Variants in PDE4B observed in about 807,000 individuals in gnomAD.
The protein encoded by PDE4B is 3',5'-cyclic-AMP phosphodiesterase 4B.
PDE4B carries 20 observed loss-of-function variants against 82.2 expected under a neutral mutation model. That is an observed-to-expected ratio of 0.24 (90% confidence interval 0.17 to 0.35). The LOEUF (loss-of-function observed/expected upper bound fraction) is 0.35. Ranked by LOEUF, PDE4B falls within the 10% of genes least tolerant of loss-of-function variation. The pLI is 1.00. For missense variants in PDE4B, 655 were observed against 907.2 expected (o/e 0.72, Z 3.57); for synonymous variants, 320 against 318.9 (o/e 1.00, Z -0.04).
At chr1:66,288,062 G>A (rs771123260) in intron 7 of PDE4B, among the ~76,000 whole-genome samples, 2 of 152,068 alleles carry the variant, frequency 1.3e-5, no homozygotes, top group Non-Finnish European at 2.9e-5. Flanking sequence ...AAGAAAAGAG[G>A]TTTCGTTGAC....
Position 65,811,623 on chromosome 1 carries a change from G to T in PDE4B, c.-71+18375G>T, listed in dbSNP as rs576379138. 1.3e-3 allele frequency among the ~76,000 whole-genome samples: 204 copies of T among 152,218 alleles called. 1 individual carries two copies. Among genetic ancestry groups the T allele is most frequent in the African/African-American group, 4.8e-3 (198 of 41,552 alleles). On this transcript the variant is annotated intron_variant, in intron 1 of 16. Coordinates refer to ENST00000341517, the MANE Select transcript of PDE4B (RefSeq NM_002600.4). ...TTTGACCTATTTGATTTCCTCATTT[G>T]TTTGTGACTAATAATCCCTCCTGTG...
intron 3 of PDE4B, among the ~76,000 whole-genome samples, chr1:66,157,931 G>T (rs557405099): frequency 3.8e-4 from 58 of 152,110 alleles, no homozygotes; most frequent in Non-Finnish European, 6.9e-4. Flanking sequence ...TTCTGAGGAA[G>T]TATTTTGAGA....
intron 1 of PDE4B, among the ~76,000 whole-genome samples, chr1:65,882,912 T>C (rs1455403464): frequency 6.6e-6 from 1 of 152,152 alleles, no homozygotes; most frequent in African/African-American, 2.4e-5. Flanking sequence ...AATGAACTCA[T>C]CTCATTAGAG....
At chr1:66,206,330 G>T (rs1369424761) in intron 3 of PDE4B, among the ~76,000 whole-genome samples, 1 of 152,146 alleles carries the variant, frequency 6.6e-6, no homozygotes, top group Non-Finnish European at 1.5e-5. Flanking sequence ...TTCAGCAACA[G>T]GAGAGTGTCT....
At chr1:65,807,885 C>T (rs1645774917) in intron 1 of PDE4B, among the ~76,000 whole-genome samples, 1 of 152,142 alleles carries the variant, frequency 6.6e-6, no homozygotes, top group Admixed American at 6.6e-5. Context: ...GCTTTGGAGA[C>T]CTGGAAGGTT....
intron 3 of PDE4B, among the ~76,000 whole-genome samples, chr1:66,072,435 C>G (rs893848276): frequency 6.6e-6 from 1 of 152,060 alleles, no homozygotes; most frequent in Non-Finnish European, 1.5e-5. Flanking sequence ...TATAATTTCT[C>G]TAAGAGAAAT....
chr1:66,214,480 C>T (rs900329608), intron 3 of PDE4B, among the ~76,000 whole-genome samples: 4 of 152,094 alleles, frequency 2.6e-5, no homozygotes, highest in African/African-American at 9.7e-5. Context: ...AGGGATTGCA[C>T]ATATATTATT....
intron 1 of PDE4B, among the ~76,000 whole-genome samples, chr1:65,794,337 C>T (rs1480677137): frequency 2.0e-5 from 3 of 152,100 alleles, no homozygotes; most frequent in African/African-American, 7.2e-5. Context: ...AATAAATGTC[C>T]AGATACTATT....
intron 3 of PDE4B, among the ~76,000 whole-genome samples, chr1:66,212,844 C>T (rs575684012): frequency 1.3e-5 from 2 of 152,318 alleles, no homozygotes; most frequent in Non-Finnish European, 2.9e-5. Flanking sequence ...GGAATAGCTG[C>T]TTGTGCTGCA....
intron 1 of PDE4B, among the ~76,000 whole-genome samples, chr1:65,803,914 G>A (rs1030872079): frequency 1.3e-5 from 2 of 152,136 alleles, no homozygotes; most frequent in African/African-American, 2.4e-5. Context: ...TGCTTTCTAT[G>A]TGCTGGTCAC....
chr1:66,113,918 G>A (rs994335246), intron 3 of PDE4B, among the ~76,000 whole-genome samples: 1 of 152,108 alleles, frequency 6.6e-6, no homozygotes, highest in African/African-American at 2.4e-5. Flanking sequence ...ATGTGCATAA[G>A]GTCATTTAAT....
intron 3 of PDE4B, among the ~76,000 whole-genome samples, chr1:66,034,462 C>A (rs1653961413): frequency 6.6e-6 from 1 of 152,130 alleles, no homozygotes; most frequent in African/African-American, 2.4e-5. Context: ...TTATTCATGG[C>A]ATTATGGAAT....
chr1:66,351,231 G>A (rs1339348319), intron 8 of PDE4B, among the ~76,000 whole-genome samples: 1 of 152,240 alleles, frequency 6.6e-6, no homozygotes, highest in Non-Finnish European at 1.5e-5. Context: ...TAGGTAGGCT[G>A]TAACAGGGTT....
At chr1:66,105,277 C>G (rs1346022417) in intron 3 of PDE4B, among the ~76,000 whole-genome samples, 1 of 148,784 alleles carries the variant, frequency 6.7e-6, no homozygotes, top group Non-Finnish European at 1.5e-5. Flanking sequence ...TCTGAGGGCT[C>G]TGTTCTATTC....
chr1:66,261,085 G>C (rs1481030025), intron 6 of PDE4B, among the ~76,000 whole-genome samples: 1 of 152,282 alleles, frequency 6.6e-6, no homozygotes, highest in South Asian at 2.1e-4. Flanking sequence ...TTCACCAAAG[G>C]GAGTTGAGAG....
At chr1:66,357,818 T>C (rs142483853) in intron 9 of PDE4B, among the ~76,000 whole-genome samples, 2 of 152,140 alleles carry the variant, frequency 1.3e-5, no homozygotes, top group Admixed American at 6.5e-5. Flanking sequence ...AACACTGGTA[T>C]AGATGACATC....
intron 3 of PDE4B, among the ~76,000 whole-genome samples, chr1:66,002,728 C>G (rs905173589): frequency 6.6e-6 from 1 of 151,950 alleles, no homozygotes; most frequent in Admixed American, 6.6e-5. Context: ...GTTGAGAATG[C>G]TAGGTTGGGT....
intron 1 of PDE4B, among the ~76,000 whole-genome samples, chr1:65,814,514 A>T (rs1014011130): frequency 6.6e-6 from 1 of 152,176 alleles, no homozygotes; most frequent in Admixed American, 6.5e-5. Context: ...CAATTTAGTG[A>T]CTATTGACAA....
intron 3 of PDE4B, among the ~76,000 whole-genome samples, chr1:66,004,648 T>G (rs567865160): frequency 5.3e-4 from 80 of 152,038 alleles, no homozygotes; most frequent in Non-Finnish European, 1.0e-3. Flanking sequence ...GTAAAAAACA[T>G]TTAATGGTCT....
Sources: gnomAD v4.1 joint callset for allele counts (sites outside exome capture counted in the v4.1 genomes callset) on GRCh38, gnomAD v4.1.1 for gene constraint, MANE v1.5 for transcripts, NCBI Gene and HGNC (gene_info 2026-07-23, HGNC 2026-07-21) for gene names.